TBC1D12: variants seen among roughly 807,000 people sequenced by gnomAD.
The protein encoded by TBC1D12 is TBC1 domain family, member 12.
TBC1D12 carries 56 observed loss-of-function variants against 86.7 expected under a neutral mutation model. The ratio of observed to expected loss-of-function variants is 0.65; its 90% CI spans 0.52 to 0.81. The LOEUF is 0.81. Ranked by LOEUF, TBC1D12 falls within the 30% of genes least tolerant of loss-of-function variation. TBC1D12 has a pLI of 0.00. For synonymous variants in TBC1D12, 421 were observed against 411.7 expected, an observed-to-expected ratio of 1.02 and a Z score of -0.27; for missense variants, 1,023 against 1,038.8, an observed-to-expected ratio of 0.98 and a Z score of 0.21.
intron 1 of TBC1D12, among the ~76,000 whole-genome samples, chr10:94,409,992 G>A (rs985130956): frequency 1.3e-5 from 2 of 152,052 alleles, no homozygotes; most frequent in African/African-American, 4.8e-5. Flanking sequence ...ATTCATTATA[G>A]AGATTTTGAC....
intron 1 of TBC1D12, among the ~76,000 whole-genome samples, chr10:94,417,907 G>C (rs764867649): frequency 3.2e-4 from 48 of 152,048 alleles, no homozygotes; most frequent in Non-Finnish European, 6.0e-4. Context: ...CGCCACCACG[G>C]CTGCCTAATT....
At position 94,520,758 on chromosome 10, in the gene TBC1D12, C is replaced by A. The variant is rs567895932; in HGVS notation, c.1762-1197C>A. 2.6e-5 allele frequency among the ~76,000 whole-genome samples: 4 copies of A among 151,968 alleles called. No homozygotes were observed. In the East Asian group the frequency reaches 7.9e-4, roughly 30 times the overall value. ...TACTGCAAGCTCCGCCTCCCAGGTT[C>A]ACGCCATTCTCCTGCCTCAGCCTCC... On this transcript the variant is annotated intron_variant, in intron 9 of 12. Transcript: ENST00000225235.
At chr10:94,470,253 A>G (rs1327567585) in intron 2 of TBC1D12, among the ~76,000 whole-genome samples, 2 of 152,176 alleles carry the variant, frequency 1.3e-5, no homozygotes, top group Non-Finnish European at 2.9e-5. Flanking sequence ...AGAGCTCATA[A>G]ATTTGCCTAA....
In TBC1D12 at chr10:94,402,677, G is replaced by T. The variant is rs770011400; in HGVS notation, c.64G>T (p.Ala22Ser). The T allele has an allele frequency of 3.7e-6, 6 of 1,607,864 alleles. No individual in the cohort carries two copies. The Admixed American group carries it at 1.0e-4, about 27-fold the overall frequency. ...GRNPKLLPVP[A>S]PDPVGQDRKV... ...AAACCCCAAGTTGCTCCCGGTGCCT[G>T]CGCCGGACCCCGTGGGCCAGGACAG... Residue 22 changes from alanine to serine, a missense_variant, in exon 1 of 13, where the codon GCG (alanine) becomes TCG (serine). Physicochemically the swap from Ala to Ser is moderately conservative, Grantham distance 99 (BLOSUM62 1). Transcript: ENST00000225235.
At chr10:94,472,868 A>G (rs1423269066) in intron 2 of TBC1D12, among the ~76,000 whole-genome samples, 3 of 152,172 alleles carry the variant, frequency 2.0e-5, no homozygotes, top group African/African-American at 4.8e-5. Flanking sequence ...AGTTTCTAAA[A>G]ACCCAATGTG....
chr10:94,421,282 TTGTC>T (rs1384305256), intron 1 of TBC1D12, among the ~76,000 whole-genome samples: 1 of 152,192 alleles, frequency 6.6e-6, no homozygotes, highest in Non-Finnish European at 1.5e-5. Flanking sequence ...CATGTGGTAT[TTGTC>T]TGTCTGTGCA....
rs1842507283 is a variant in TBC1D12 at position 94,534,546 on chromosome 10, C to G, written c.*1450C>G. Reference sequence around the variant, plus strand: ...TTTTGGATCAGCCTTCTCTCAACCGCCAAGAAATGCATGATTTCCCTGCCA... The same window carrying G: ...TTTTGGATCAGCCTTCTCTCAACCGGCAAGAAATGCATGATTTCCCTGCCA... On this transcript the variant is annotated 3_prime_UTR_variant, in exon 13 of 13. Transcript: ENST00000225235. The G allele has an allele frequency of 6.6e-6, 1 of 152,126 alleles. No homozygotes were observed. The highest frequency in any genetic ancestry group is 2.4e-5 in the African/African-American group (1 of 41,432). The allele number at this position is 152,126 out of a possible 1,614,324, so 9.4% of individuals were successfully genotyped here.
chr10:94,528,542 A>G (rs1842351869), intron 11 of TBC1D12, among the ~76,000 whole-genome samples: 1 of 152,084 alleles, frequency 6.6e-6, no homozygotes, highest in South Asian at 2.1e-4. Context: ...AAGAATACAC[A>G]TGGGTGCAGA....
chr10:94,520,691 G>C (rs372949362), intron 9 of TBC1D12, among the ~76,000 whole-genome samples: 8 of 151,868 alleles, frequency 5.3e-5, no homozygotes, highest in African/African-American at 1.9e-4. Flanking sequence ...ACCGAGTCTC[G>C]CTCTGTCACC....
intron 1 of TBC1D12, among the ~76,000 whole-genome samples, chr10:94,404,040 AG>A (rs2054816127): frequency 6.6e-6 from 1 of 152,080 alleles, no homozygotes; most frequent in South Asian, 2.1e-4. Context: ...TGTGAAAGAG[AG>A]AAGGAAGTCA....
At chr10:94,531,974 G>C (rs1842446648) in intron 12 of TBC1D12, among the ~76,000 whole-genome samples, 2 of 150,900 alleles carry the variant, frequency 1.3e-5, no homozygotes, top group Non-Finnish European at 2.9e-5. Context: ...TCCACCTCCT[G>C]GGTTCACACC....
At chr10:94,461,189 T>G (rs1316715635) in intron 2 of TBC1D12, among the ~76,000 whole-genome samples, 1 of 152,180 alleles carries the variant, frequency 6.6e-6, no homozygotes, top group African/African-American at 2.4e-5. Context: ...AATAGGACTT[T>G]AGTAAGGTAG....
chr10:94,469,398 T>A (rs374983613), intron 2 of TBC1D12, among the ~76,000 whole-genome samples: 1 of 143,672 alleles, frequency 7.0e-6, no homozygotes, highest in Admixed American at 6.9e-5. Context: ...AGATCAGTAT[T>A]CAGCTGAAGA....
chr10:94,443,855 A>C (rs1057454741), intron 2 of TBC1D12, among the ~76,000 whole-genome samples: 6 of 152,188 alleles, frequency 3.9e-5, no homozygotes, highest in Admixed American at 2.6e-4. Context: ...CACATGCCCA[A>C]ATTGGTAATT....
intron 1 of TBC1D12, among the ~76,000 whole-genome samples, chr10:94,439,438 G>T (rs1178910199): frequency 2.6e-5 from 4 of 152,248 alleles, no homozygotes; most frequent in African/African-American, 7.2e-5. Flanking sequence ...GAGGAAATTG[G>T]CACACTGTTG....
At chr10:94,403,632 C>A in intron 1 of TBC1D12, 48 bp downstream of exon 1, 1 of 1,402,138 alleles carries the variant, frequency 7.1e-7, no homozygotes, top group Non-Finnish European at 9.2e-7. Context: ...GGGCCGGGGC[C>A]GGAGCCGGGG....
At chr10:94,431,738 C>G (rs942571512) in intron 1 of TBC1D12, among the ~76,000 whole-genome samples, 1 of 152,182 alleles carries the variant, frequency 6.6e-6, no homozygotes, top group African/African-American at 2.4e-5. Flanking sequence ...GCAGGTCTTT[C>G]CTGTGGGGAT....
Position 94,431,933 on chromosome 10 carries a change from G to A in TBC1D12, c.972-9963G>A, listed in dbSNP as rs1564943399. On this transcript the variant is annotated intron_variant, in intron 1 of 12. Coordinates refer to ENST00000225235, the MANE Select transcript of TBC1D12 (RefSeq NM_015188.2). ...TCAACACGAACAACATAGCACAAGA[G>A]TGACCCCTTCCCCAAAAGTGCCCTA... 2.6e-5 allele frequency among the ~76,000 whole-genome samples: 4 copies of A among 152,132 alleles called. No individual in the cohort carries two copies. In the South Asian group the frequency reaches 8.3e-4, roughly 32 times the overall value.
At chr10:94,464,115 C>CT (rs1454325932) in intron 2 of TBC1D12, among the ~76,000 whole-genome samples, 1 of 152,006 alleles carries the variant, frequency 6.6e-6, no homozygotes, top group Non-Finnish European at 1.5e-5. Flanking sequence ...TGTTTTCATC[C>CT]TTTTATTCTT....
Sources: gnomAD v4.1 joint callset for allele counts (sites outside exome capture counted in the v4.1 genomes callset) on GRCh38, gnomAD v4.1.1 for gene constraint, MANE v1.5 for transcripts, NCBI Gene and HGNC (gene_info 2026-07-23, HGNC 2026-07-21) for gene names.